The following CNGA4 variants were observed in gnomAD, a reference collection of about 807,000 sequenced individuals.
The protein encoded by CNGA4 is cyclic nucleotide gated channel subunit alpha 4, also known as cyclic nucleotide-gated channel alpha-4.
Under a neutral mutation model 45.6 loss-of-function variants are expected in CNGA4, and 32 were observed. That is an observed-to-expected ratio of 0.70 (90% confidence interval 0.53 to 0.94). CNGA4 has a LOEUF of 0.94. CNGA4 is among the 40% of genes least tolerant of loss of function. The pLI is 0.00. For synonymous variants in CNGA4, 293 were observed against 304.6 expected, an observed-to-expected ratio of 0.96 and a Z score of 0.40; for missense variants, 726 against 755.1, an observed-to-expected ratio of 0.96 and a Z score of 0.45.
At position 6,239,775 on chromosome 11, in the gene CNGA4, G is replaced by A. The variant is rs370664809; in HGVS notation, c.256G>A (p.Val86Met). The change falls in exon 3 of 6, where the codon GTG (valine) becomes ATG (methionine). Residue 86 changes from valine (V) to methionine (M), a missense_variant. Physicochemically the swap from Val to Met is conservative, Grantham distance 21. Transcript: ENST00000379936. ...CCTGCTATACCTACTAGACATGGTG[G>A]TGCGCTTCCACACAGGTCAGTGGGC... ...SDLLYLLDMV[V>M]RFHTGFLEQG... The A allele has an allele frequency of 2.5e-6, 4 of 1,613,662 alleles. No homozygotes were observed. Among genetic ancestry groups the A allele is most frequent in the African/African-American group, 1.3e-5 (1 of 74,916 alleles).
intron 3 of CNGA4, 108 bp from the exon 4 acceptor site, chr11:6,239,958 G>A: frequency 6.9e-7 from 1 of 1,442,776 alleles, no homozygotes; most frequent in African/African-American, 1.4e-5. Flanking sequence ...AGTTATGCCT[G>A]GCTCCACTCT....
Position 6,241,452 on chromosome 11 carries a change from C to G in CNGA4, c.939C>G (p.Asn313Lys), listed in dbSNP as rs1438487918. The G allele has an allele frequency of 6.3e-7, 1 of 1,588,424 alleles. No homozygotes were observed. Among genetic ancestry groups the G allele is most frequent in the Non-Finnish European group, 8.6e-7 (1 of 1,164,220 alleles). ...TCAGGTATCAGCACCTGCAGATCAA[C>G]AAGAAGATGACCAACGAGGTAGCCA... ...VIDWYQHLQINKKMTNEVAIL... is the reference protein window; with the variant it reads ...VIDWYQHLQIKKKMTNEVAIL... The change falls in exon 5 of 6, where the codon AAC (asparagine) becomes AAG (lysine). Residue 313 changes from asparagine to lysine, a missense_variant. Coordinates refer to ENST00000379936, the MANE Select transcript of CNGA4 (RefSeq NM_001037329.4).
intron 5 of CNGA4, among the ~76,000 whole-genome samples, chr11:6,242,161 C>T (rs982571995): frequency 2.0e-5 from 3 of 152,142 alleles, no homozygotes; most frequent in South Asian, 4.1e-4. Context: ...ATTACATTCC[C>T]GCAGCAGTTC....
rs958895332 is a variant in CNGA4, at chr11:6,239,872, C to T, written c.271+82C>T. The stretch of plus-strand genomic sequence containing the variant: ...ACTTAAGAAGTAACAAGAAAGGCAC[C>T]CCCACCGTGGTAGCACCTTCGCGTG... On this transcript the variant is annotated intron_variant, in intron 3 of 5. Transcript: ENST00000379936. 8 of 1,436,522 alleles carry T rather than the reference C, an allele frequency of 5.6e-6. No individual in the cohort carries two copies. The African/African-American group carries it at 9.9e-5, about 18-fold the overall frequency. The allele number at this position is 1,436,522 out of a possible 1,614,324, so 89.0% of individuals were successfully genotyped here.
rs1847898046 is a variant in CNGA4 at position 6,240,375 on chromosome 11, T to G, written c.581T>G (p.Leu194Arg). ...SCLYFALSRY[L>R]GFGRDAWVYP... ...CTATACTTTGCCCTATCCCGGTACC[T>G]GGGCTTCGGGCGTGACGCATGGGTG... Residue 194 changes from leucine to arginine, a missense_variant, in exon 4 of 6, where the codon CTG becomes CGG. Physicochemically the swap from Leu to Arg is moderately radical, Grantham distance 102. Transcript: ENST00000379936. This position sits in a 1 kb window ranked among gnomAD's most constrained non-coding sequence, Gnocchi z 4.9. 1.9e-6 allele frequency: 3 copies of G among 1,614,196 alleles called. No homozygotes were observed. Among genetic ancestry groups the G allele is most frequent in the Non-Finnish European group, 2.5e-6 (3 of 1,180,012 alleles).
upstream of CNGA4, among the ~76,000 whole-genome samples, chr11:6,235,962 A>T (rs1001864390): frequency 6.6e-6 from 1 of 152,132 alleles, no homozygotes; most frequent in Non-Finnish European, 1.5e-5. Context: ...GAAAAGAAAA[A>T]AAGAAAAGTA....
At chr11:6,236,685 G>T (rs1442542755), upstream of CNGA4, among the ~76,000 whole-genome samples, 1 of 152,150 alleles carries the variant, frequency 6.6e-6, no homozygotes, top group Non-Finnish European at 1.5e-5. Context: ...TGAGTGCTTG[G>T]TTATATGGGT....
chr11:6,240,887 C>T lies in CNGA4; in HGVS notation c.917+176C>T, dbSNP rs1351665984. Among the ~76,000 whole-genome samples the T allele has an allele frequency of 6.6e-6, 1 of 152,022 alleles. No individual in the cohort carries two copies. On this transcript the variant is annotated intron_variant, in intron 4 of 5. Transcript: ENST00000379936. The surrounding 1 kb of genome is among the most constrained non-coding windows in gnomAD (Gnocchi z 4.9). ...GGGAACTTCTTTCAACTGAGGGAATCAGGACTTGGGGGAGGGGTAGGTAAG... is the reference window on the plus strand; with the variant it reads ...GGGAACTTCTTTCAACTGAGGGAATTAGGACTTGGGGGAGGGGTAGGTAAG...
Position 6,243,953 on chromosome 11 carries a change from C to G in CNGA4, c.1272C>G (p.Asn424Lys). The change falls in exon 6 of 6, where the codon AAC becomes AAG. Residue 424 changes from asparagine to lysine, a missense_variant. By Grantham distance (94) the Asn-to-Lys change is moderately conservative. Transcript: ENST00000379936. ...ATCTCTGCCCATGAGCCACAGGGAA[C>G]ATGTCTGGGAACCGCCGCACAGCCA... ...GEISIINIKG[N>K]MSGNRRTANI... The G allele has an allele frequency of 1.2e-6, 2 of 1,612,466 alleles. No individual in the cohort carries two copies. The highest frequency in any genetic ancestry group is 1.7e-6 in the Non-Finnish European group (2 of 1,179,158).
At chr11:6,243,591 T>C (rs573335150) in intron 5 of CNGA4, among the ~76,000 whole-genome samples, 2 of 152,366 alleles carry the variant, frequency 1.3e-5, no homozygotes, top group South Asian at 4.1e-4. Context: ...AAATTATATC[T>C]TAGGACATCC....
rs1454491199 is a variant in CNGA4 at position 6,244,443 on chromosome 11, G to A, written c.*34G>A. 6.4e-7 allele frequency: 1 copy of A among 1,561,274 alleles called. No individual in the cohort carries two copies. The highest frequency in any genetic ancestry group is 1.4e-5 in the African/African-American group (1 of 73,554). ...CCATCCCCAGGATTCCCACCTCCTAGTGAATCCAGAGTTGTAGTAAAGCCT... is the reference window on the plus strand; with the variant it reads ...CCATCCCCAGGATTCCCACCTCCTAATGAATCCAGAGTTGTAGTAAAGCCT... On this transcript the variant is annotated 3_prime_UTR_variant, in exon 6 of 6. Coordinates refer to ENST00000379936, the MANE Select transcript of CNGA4 (RefSeq NM_001037329.4). This position sits in a 1 kb window ranked among gnomAD's most constrained non-coding sequence, Gnocchi z 4.5.
Position 6,239,102 on chromosome 11 carries a change from C to T in CNGA4, c.-105C>T. The T allele has an allele frequency of 6.3e-7, 1 of 1,593,522 alleles. No homozygotes were observed. Among genetic ancestry groups the T allele is most frequent in the South Asian group, 1.1e-5 (1 of 88,458 alleles). On this transcript the variant is annotated 5_prime_UTR_variant, in exon 1 of 6. Transcript: ENST00000379936. ...CAAAGAAGTCACAGCAGAAGCCCAA[C>T]AGCAGCCTCCTTCAGGCAGTCAGGC... is the stretch of plus-strand genomic sequence containing the variant.
chr11:6,235,488 T>A (rs1847819282), upstream of CNGA4: 2 of 985,176 alleles, frequency 2.0e-6, no homozygotes, highest in East Asian at 2.3e-4. Context: ...GCACTTAGCA[T>A]GATTTGCATG....
At chr11:6,237,651 G>A (rs1379313558), upstream of CNGA4, among the ~76,000 whole-genome samples, 1 of 151,994 alleles carries the variant, frequency 6.6e-6, no homozygotes. Context: ...CATTACAAAG[G>A]ATTTTATTCA....
chr11:6,239,091 C>T lies in CNGA4; in HGVS notation c.-116C>T. The T allele has an allele frequency of 6.3e-7, 1 of 1,578,268 alleles. No homozygotes were observed. The highest frequency in any genetic ancestry group is 8.6e-7 in the Non-Finnish European group (1 of 1,164,518). ...AGCCCCAAAGACAAAGAAGTCACAG[C>T]AGAAGCCCAACAGCAGCCTCCTTCA... On this transcript the variant is annotated 5_prime_UTR_variant, in exon 1 of 6. Coordinates refer to ENST00000379936, the MANE Select transcript of CNGA4 (RefSeq NM_001037329.4).
In CNGA4 at chr11:6,239,197, C is replaced by A; in HGVS notation, c.-10C>A. The A allele has an allele frequency of 6.2e-7, 1 of 1,613,288 alleles. No homozygotes were observed. Among genetic ancestry groups the A allele is most frequent in the South Asian group, 1.1e-5 (1 of 91,050 alleles). ...GGACATCTCACACCCCAGCACCAGA[C>A]CACAGAACCATGAGCCAGGACACCA... On this transcript the variant is annotated 5_prime_UTR_variant, in exon 1 of 6. Transcript: ENST00000379936.
chr11:6,241,440 C>A lies in CNGA4; in HGVS notation c.927C>A (p.His309Gln). 6.3e-7 allele frequency: 1 copy of A among 1,579,680 alleles called. No individual in the cohort carries two copies. The highest frequency in any genetic ancestry group is 8.6e-7 in the Non-Finnish European group (1 of 1,159,556). The stretch of plus-strand genomic sequence containing the variant: ...CTGTCCTTACTCTCAGGTATCAGCA[C>A]CTGCAGATCAACAAGAAGATGACCA... ...LERRVIDWYQHLQINKKMTNE... is the reference protein window; with the variant it reads ...LERRVIDWYQQLQINKKMTNE... The change falls in exon 5 of 6, where the codon CAC becomes CAA. Residue 309 changes from histidine (H) to glutamine (Q), a missense_variant. Coordinates refer to ENST00000379936, the MANE Select transcript of CNGA4 (RefSeq NM_001037329.4).
intron 3 of CNGA4, 69 bp from the exon 4 acceptor site, chr11:6,239,997 C>G: frequency 1.3e-6 from 2 of 1,534,230 alleles, no homozygotes; most frequent in Non-Finnish European, 1.8e-6. Context: ...CTGGCCTGCC[C>G]TGGGCAGCTC....
upstream of CNGA4, chr11:6,235,616 T>C: frequency 2.2e-6 from 2 of 913,700 alleles, no homozygotes; most frequent in Non-Finnish European, 2.6e-6. Context: ...AATAGAAAAA[T>C]AGAAGTTTCA....
Sources: gnomAD v4.1 joint callset for allele counts (sites outside exome capture counted in the v4.1 genomes callset) on GRCh38, gnomAD v4.1.1 for gene constraint, Gnocchi (gnomAD v3.1) non-coding constraint, MANE v1.5 for transcripts, NCBI Gene and HGNC (gene_info 2026-07-23, HGNC 2026-07-21) for gene names.